Variants in TFEC observed in about 807,000 individuals in gnomAD.
TFEC encodes the protein class E basic helix-loop-helix protein 34.
A neutral mutation model predicts 41.6 loss-of-function variants in TFEC; 31 were observed. That is an observed-to-expected ratio of 0.74 (90% CI 0.56 to 1.01). The LOEUF is 1.01. Ranked by LOEUF, TFEC falls within the 50% of genes least tolerant of loss-of-function variation. The probability of loss-of-function intolerance (pLI) is 0.00; values close to 1 mark genes in which losing one functional copy is unlikely to be tolerated. For synonymous variants in TFEC, 143 were observed against 140.6 expected (o/e 1.02, Z -0.12); for missense variants, 402 against 404.1 (o/e 0.99, Z 0.04).
chr7:116,015,309 C>A (rs1795146257), intron 1 of TFEC, among the ~76,000 whole-genome samples: 1 of 151,990 alleles, frequency 6.6e-6, no homozygotes, highest in East Asian at 1.9e-4. Flanking sequence ...TTAATCAATC[C>A]CTCAATGTTA....
At chr7:116,068,362 C>G (rs1796744839) in intron 3 of TFEC, among the ~76,000 whole-genome samples, 1 of 151,578 alleles carries the variant, frequency 6.6e-6, no homozygotes, top group African/African-American at 2.4e-5. Flanking sequence ...TAAAAGCAAG[C>G]ATTTAGAGAC....
At chr7:116,104,130 G>T (rs1365549694) in intron 3 of TFEC, among the ~76,000 whole-genome samples, 1 of 152,144 alleles carries the variant, frequency 6.6e-6, no homozygotes, top group East Asian at 1.9e-4. Context: ...TTATCCGAAG[G>T]TTGTCTGATT....
chr7:115,951,101 T>C (rs1421352949), intron 5 of TFEC, 152 bp from the exon 6 acceptor site: 1 of 448,940 alleles, frequency 2.2e-6, no homozygotes, highest in African/African-American at 2.0e-5. Context: ...AAATAAAAAT[T>C]CTCATTCTAA....
intron 1 of TFEC, among the ~76,000 whole-genome samples, chr7:116,125,709 G>A (rs1748071870): frequency 6.6e-6 from 1 of 152,132 alleles, no homozygotes. Context: ...GAGCTATCAA[G>A]GATGAACTCA....
chr7:116,021,743 A>G (rs1795403196), intron 1 of TFEC, among the ~76,000 whole-genome samples: 1 of 152,168 alleles, frequency 6.6e-6, no homozygotes, highest in African/African-American at 2.4e-5. Flanking sequence ...ATCTGTCAAA[A>G]TGGTTTTCTT....
chr7:116,080,868 A>T (rs1345159267), intron 3 of TFEC, among the ~76,000 whole-genome samples: 1 of 152,036 alleles, frequency 6.6e-6, no homozygotes, highest in Non-Finnish European at 1.5e-5. Context: ...ATGCCATTAC[A>T]TGAAAAAGAT....
intron 7 of TFEC, 153 bp downstream of exon 7, chr7:115,941,740 C>G: frequency 1.0e-6 from 1 of 968,736 alleles, no homozygotes; most frequent in Non-Finnish European, 1.5e-6. Flanking sequence ...TGAAACAACC[C>G]AATTCACGAA....
chr7:116,099,692 T>G (rs1797560169), intron 3 of TFEC, among the ~76,000 whole-genome samples: 1 of 152,144 alleles, frequency 6.6e-6, no homozygotes, highest in Non-Finnish European at 1.5e-5. Flanking sequence ...AGATGCAGAA[T>G]GGAAGCAAGC....
chr7:115,976,730 G>A (rs1361999636), intron 2 of TFEC, among the ~76,000 whole-genome samples: 2 of 152,192 alleles, frequency 1.3e-5, no homozygotes, highest in East Asian at 1.9e-4. Context: ...CTGAACAGAT[G>A]TGAAGAAGAT....
chr7:116,116,133 T>C (rs1239474415), intron 1 of TFEC, among the ~76,000 whole-genome samples: 2 of 151,940 alleles, frequency 1.3e-5, no homozygotes, highest in African/African-American at 4.8e-5. Flanking sequence ...TTATCACAGT[T>C]CTTGGCTCAA....
intron 1 of TFEC, among the ~76,000 whole-genome samples, chr7:115,994,347 T>C (rs1052702427): frequency 6.6e-6 from 1 of 151,774 alleles, no homozygotes; most frequent in Admixed American, 6.6e-5. Flanking sequence ...AAAGCCAAAA[T>C]TGACAAATGG....
intron 3 of TFEC, among the ~76,000 whole-genome samples, chr7:116,096,515 A>G (rs560227235): frequency 6.6e-6 from 1 of 152,204 alleles, no homozygotes; most frequent in African/African-American, 2.4e-5. Context: ...TAATATGTGT[A>G]TAGTAGAATC....
At chr7:116,039,548 CT>C (rs1206598955) in intron 3 of TFEC, among the ~76,000 whole-genome samples, 1 of 151,774 alleles carries the variant, frequency 6.6e-6, no homozygotes, top group Non-Finnish European at 1.5e-5. Flanking sequence ...AAAATGTCGT[CT>C]TTCAGAGGAA....
chr7:116,009,132 C>T (rs1794909211), intron 1 of TFEC, among the ~76,000 whole-genome samples: 1 of 152,132 alleles, frequency 6.6e-6, no homozygotes, highest in Non-Finnish European at 1.5e-5. Flanking sequence ...TTTATACATG[C>T]ATTGATTTGT....
At chr7:115,995,755 G>C (rs1316514620) in intron 1 of TFEC, among the ~76,000 whole-genome samples, 2 of 152,188 alleles carry the variant, frequency 1.3e-5, no homozygotes, top group Admixed American at 6.5e-5. Context: ...GGCTCGGAGA[G>C]AGTATCTGTG....
intron 3 of TFEC, among the ~76,000 whole-genome samples, chr7:116,105,465 C>A (rs894395141): frequency 6.6e-5 from 10 of 152,188 alleles, no homozygotes; most frequent in African/African-American, 2.4e-4. Flanking sequence ...AAGAAACATA[C>A]ACAGGAGAAG....
intron 3 of TFEC, among the ~76,000 whole-genome samples, chr7:115,963,432 T>G (rs1406520585): frequency 1.3e-5 from 2 of 151,784 alleles, no homozygotes; most frequent in Admixed American, 1.3e-4. Context: ...ATTTCACTTC[T>G]AAGTATGTAT....
At position 115,940,858 on chromosome 7, in the gene TFEC, T is replaced by G; in HGVS notation, c.737A>C (p.His246Pro). 6.2e-7 allele frequency: 1 copy of G among 1,613,280 alleles called. No individual in the cohort carries two copies. Among genetic ancestry groups the G allele is most frequent in the Non-Finnish European group, 8.5e-7 (1 of 1,179,502 alleles). The stretch of plus-strand genomic sequence containing the variant: ...AGGATGGCTCTGCTGTTTGGTGACA[T>G]GAGCACCTAAATCAACCGTGCCAAG... The part of the protein sequence containing the change: ...ASLGTVDLGA[H>P]VTKQQSHPEQ... Residue 246 changes from histidine (H) to proline (P), a missense_variant, in exon 8 of 8, where the codon CAT becomes CCT. Physicochemically the swap from His to Pro is moderately conservative, Grantham distance 77. Transcript: ENST00000265440.
intron 3 of TFEC, among the ~76,000 whole-genome samples, chr7:116,101,786 T>C (rs1295521687): frequency 6.6e-6 from 1 of 152,220 alleles, no homozygotes; most frequent in African/African-American, 2.4e-5. Context: ...GCATTATTGA[T>C]ACATTTTTAT....
Sources: allele counts gnomAD v4.1 joint callset (sites outside exome capture counted in the v4.1 genomes callset), GRCh38; gene constraint gnomAD v4.1.1; transcripts MANE v1.5; gene names NCBI Gene and HGNC (gene_info 2026-07-23, HGNC 2026-07-21).